Variants in TTC7B observed in about 807,000 individuals in gnomAD.
TTC7B encodes tetratricopeptide repeat domain 7B, also known as tetratricopeptide repeat protein 7B.
TTC7B carries 28 observed loss-of-function variants against 106.8 expected under a neutral mutation model. That is an observed-to-expected ratio of 0.26 (90% CI 0.19 to 0.36). TTC7B has a LOEUF of 0.36. Ranked by LOEUF, TTC7B falls within the 10% of genes least tolerant of loss-of-function variation. The probability of loss-of-function intolerance (pLI) is 1.00; values close to 1 mark genes in which losing one functional copy is unlikely to be tolerated. For missense variants in TTC7B, 862 were observed against 1,076.4 expected (o/e 0.80, Z 2.79); for synonymous variants, 405 against 430.6 (o/e 0.94, Z 0.74).
rs1203783786 is a variant in TTC7B, at chr14:90,534,741, C to A, written c.*6627G>T. 6.6e-6 allele frequency: 1 copy of A among 152,308 alleles called. No individual in the cohort carries two copies. Among genetic ancestry groups the A allele is most frequent in the Non-Finnish European group, 1.5e-5 (1 of 68,190 alleles). The allele number at this position is 152,308 out of a possible 1,614,324, so 9.4% of individuals were successfully genotyped here. A position where few individuals can be genotyped will look rare whatever the true frequency, so the allele number is the denominator to read the frequency against. ...TGAAATTCCTTCAGTAGGGCCGGGT[C>A]ACCCATTCCAGCCTGGAGCCGGCTG... On this transcript the variant is annotated 3_prime_UTR_variant, in exon 20 of 20. Transcript: ENST00000328459.
intron 13 of TTC7B, among the ~76,000 whole-genome samples, chr14:90,648,009 G>A (rs1885541648): frequency 6.6e-6 from 1 of 152,070 alleles, no homozygotes; most frequent in Admixed American, 6.6e-5. Flanking sequence ...TGGCAAACAG[G>A]CCAAAGATGG....
chr14:90,780,771 G>T lies in TTC7B; in HGVS notation c.412C>A (p.Leu138Met). The T allele has an allele frequency of 2.5e-6, 4 of 1,614,272 alleles. No individual in the cohort carries two copies. The highest frequency in any genetic ancestry group is 3.4e-6 in the Non-Finnish European group (4 of 1,180,050). Residue 138 changes from leucine (L) to methionine (M), a missense_variant, in exon 3 of 20, where the codon CTG (leucine) becomes ATG (methionine). Leu to Met is a conservative substitution (Grantham distance 15). Transcript: ENST00000328459. ...GCGTAGGCTTCTGCGATCACCCGCA[G>T]CCTGTAGGGCGGGACAGCTGTCAGT... is the stretch of plus-strand genomic sequence containing the variant. ...LPLTAVPPYR[L>M]RVIAEAYATK...
rs756191150 is a variant in TTC7B, at chr14:90,805,319, G to A, written c.121+10856C>T. Reference sequence around the variant, plus strand: ...CACCCAGGGTAGTGTGCAGTGGCGCGATCTCGGCTCACTGCAACCTCTACC... The same window carrying A: ...CACCCAGGGTAGTGTGCAGTGGCGCAATCTCGGCTCACTGCAACCTCTACC... On this transcript the variant is annotated intron_variant, in intron 1 of 19. Coordinates refer to ENST00000328459, the MANE Select transcript of TTC7B (RefSeq NM_001010854.2). The surrounding 1 kb of genome is among the most constrained non-coding windows in gnomAD (Gnocchi z 4.0). 2.0e-5 allele frequency among the ~76,000 whole-genome samples: 3 copies of A among 152,166 alleles called. No individual in the cohort carries two copies. Among genetic ancestry groups the A allele is most frequent in the African/African-American group, 4.8e-5 (2 of 41,436 alleles).
At chr14:90,738,620 G>A (rs1889636965) in intron 4 of TTC7B, among the ~76,000 whole-genome samples, 1 of 150,874 alleles carries the variant, frequency 6.6e-6, no homozygotes, top group South Asian at 2.1e-4. Context: ...AAAAAAAAAA[G>A]AGGTTAGTAT....
chr14:90,588,607 C>G (rs1215587416), intron 18 of TTC7B, among the ~76,000 whole-genome samples: 2 of 152,190 alleles, frequency 1.3e-5, no homozygotes, highest in African/African-American at 2.4e-5. Flanking sequence ...ACATCCCATG[C>G]TCTAATGGGG....
At chr14:90,682,364 A>G (rs1448058644) in intron 7 of TTC7B, among the ~76,000 whole-genome samples, 1 of 152,196 alleles carries the variant, frequency 6.6e-6, no homozygotes, top group Non-Finnish European at 1.5e-5. Context: ...TGTGGCAGGC[A>G]AGGTGGGTAC....
chr14:90,671,282 AC>A (rs1298735749), intron 9 of TTC7B, among the ~76,000 whole-genome samples: 3 of 152,238 alleles, frequency 2.0e-5, no homozygotes, highest in Non-Finnish European at 4.4e-5. Flanking sequence ...TGGTACAATC[AC>A]TAGTCAGACA....
chr14:90,652,976 G>T, intron 12 of TTC7B, 78 bp from the exon 13 acceptor site: 2 of 1,447,750 alleles, frequency 1.4e-6, no homozygotes, highest in Non-Finnish European at 1.9e-6. Context: ...CACAAAACCT[G>T]TACATTCAAC....
At chr14:90,660,395 C>CAAAAAAAAAAAAAAAAA (rs57030874) in intron 9 of TTC7B, among the ~76,000 whole-genome samples, 25 of 40,894 alleles carry the variant, frequency 6.1e-4, no homozygotes, top group East Asian at 1.1e-3. Flanking sequence ...CACCCTGTCT[C>CAAAAAAAAAAAAAAAAA]AAAAAAAAAA....
chr14:90,731,380 GACCC>G (rs1889322501), intron 4 of TTC7B, among the ~76,000 whole-genome samples: 2 of 152,158 alleles, frequency 1.3e-5, no homozygotes, highest in African/African-American at 4.8e-5. Context: ...CTCTTCAAAA[GACCC>G]AGTTGTTTGC....
Position 90,762,884 on chromosome 14 carries a change from G to A in TTC7B, c.445+17854C>T, listed in dbSNP as rs914664101. Among the ~76,000 whole-genome samples the A allele has an allele frequency of 2.6e-5, 4 of 152,296 alleles. No individual in the cohort carries two copies. The East Asian group carries it at 5.8e-4, about 22-fold the overall frequency. ...TATTAAAATCTATTAAAACAACAGGGTAACTAGAGATTGAATTAGCAATCA... is the reference window on the plus strand; with the variant it reads ...TATTAAAATCTATTAAAACAACAGGATAACTAGAGATTGAATTAGCAATCA... On this transcript the variant is annotated intron_variant, in intron 3 of 19. Coordinates refer to ENST00000328459, the MANE Select transcript of TTC7B (RefSeq NM_001010854.2).
At chr14:90,580,536 C>A (rs1437754383) in intron 18 of TTC7B, among the ~76,000 whole-genome samples, 3 of 152,152 alleles carry the variant, frequency 2.0e-5, no homozygotes, top group African/African-American at 7.2e-5. Flanking sequence ...TCCTCTGCAG[C>A]CCTCGGGAGC....
In TTC7B at chr14:90,680,452, T is replaced by A; in HGVS notation, c.1014+20A>T. The A allele has an allele frequency of 1.9e-6, 3 of 1,607,566 alleles. No individual in the cohort carries two copies. The highest frequency in any genetic ancestry group is 2.6e-6 in the Non-Finnish European group (3 of 1,174,252). ...TACAGGGCCAGGGGAAAGAACGATG[T>A]AAAAACACATTCCACTTACCATTGA... On this transcript the variant is annotated intron_variant, in intron 8 of 19. Transcript: ENST00000328459.
At chr14:90,800,157 C>T (rs2030166652) in intron 1 of TTC7B, among the ~76,000 whole-genome samples, 1 of 152,194 alleles carries the variant, frequency 6.6e-6, no homozygotes, top group African/African-American at 2.4e-5. Context: ...AAAGATGCCT[C>T]TGTCAGCCCT....
rs772789870 is a variant in TTC7B, at chr14:90,593,588, C to T, written c.2005G>A (p.Glu669Lys). 6.2e-7 allele frequency: 1 copy of T among 1,612,126 alleles called. No individual in the cohort carries two copies. Among genetic ancestry groups the T allele is most frequent in the Non-Finnish European group, 8.5e-7 (1 of 1,178,876 alleles). Residue 669 changes from glutamate to lysine, a missense_variant, in exon 18 of 20, where the codon GAG becomes AAG. Transcript: ENST00000328459. Reference sequence around the variant, plus strand: ...GAAGCCACTTCCGACAGTGCCTGCTCCACTCTTGAGGCTGCTACCGATGTG... The same window carrying T: ...GAAGCCACTTCCGACAGTGCCTGCTTCACTCTTGAGGCTGCTACCGATGTG... The part of the protein sequence containing the change: ...HATSVAASRV[E>K]QALSEVASSL...
At chr14:90,588,221 C>CGCCAGGCCAG (rs912964544) in intron 18 of TTC7B, among the ~76,000 whole-genome samples, 1 of 152,098 alleles carries the variant, frequency 6.6e-6, no homozygotes, top group Admixed American at 6.6e-5. Flanking sequence ...TGGGCAAAGG[C>CGCCAGGCCAG]GCCAGGCCAG....
At chr14:90,544,778 C>T (rs541273687) in intron 19 of TTC7B, among the ~76,000 whole-genome samples, 4 of 152,154 alleles carry the variant, frequency 2.6e-5, no homozygotes, top group Non-Finnish European at 5.9e-5. Context: ...CACACGCCTT[C>T]CTGGCATGGC....
chr14:90,773,719 G>A (rs887428286), intron 3 of TTC7B, among the ~76,000 whole-genome samples: 3 of 152,158 alleles, frequency 2.0e-5, no homozygotes, highest in African/African-American at 4.8e-5. Flanking sequence ...TCCAGTGCCC[G>A]GCTCTGGTCC....
chr14:90,545,356 A>G (rs899067830), intron 19 of TTC7B, among the ~76,000 whole-genome samples: 2 of 152,116 alleles, frequency 1.3e-5, no homozygotes, highest in African/African-American at 4.8e-5. Context: ...TTCTCTGACC[A>G]CTAACTGCTG....
Sources: allele counts gnomAD v4.1 joint callset (sites outside exome capture counted in the v4.1 genomes callset), GRCh38; gene constraint gnomAD v4.1.1; non-coding constraint Gnocchi (gnomAD v3.1); transcripts MANE v1.5; gene names NCBI Gene and HGNC (gene_info 2026-07-23, HGNC 2026-07-21).